Variants in ELOVL1 observed in about 807,000 individuals in gnomAD.
ELOVL1 encodes very long chain fatty acid elongase 1.
A neutral mutation model predicts 37.8 loss-of-function variants in ELOVL1; 10 were observed. The observed-to-expected ratio is 0.26, with a 90% CI of 0.16 to 0.45. The LOEUF is 0.45. ELOVL1 is among the 20% of genes least tolerant of loss of function. The pLI, the probability that ELOVL1 is intolerant of heterozygous loss-of-function variation, is 1.00. For missense variants in ELOVL1, 256 were observed against 352.7 expected (o/e 0.73, Z 2.20); for synonymous variants, 133 against 123.8 (o/e 1.07, Z -0.49).
chr1:43,364,280 A>T lies in ELOVL1; in HGVS notation c.618+44T>A, dbSNP rs772213579. The T allele has an allele frequency of 3.7e-6, 6 of 1,613,706 alleles. No homozygotes were observed. The highest frequency in any genetic ancestry group is 5.1e-6 in the Non-Finnish European group (6 of 1,179,862). ...GGATAAAGGCAGGATCCAGGCTAGG[A>T]ATGTGGGGGGATGGTTATAGGTAAG... On this transcript the variant is annotated intron_variant, in intron 7 of 7. Transcript: ENST00000372458. This position sits in a 1 kb window ranked among gnomAD's most constrained non-coding sequence, Gnocchi z 5.2.
Position 43,363,812 on chromosome 1 carries a change from A to G in ELOVL1, c.*104T>C, listed in dbSNP as rs1202077737. On this transcript the variant is annotated 3_prime_UTR_variant, in exon 8 of 8. Transcript: ENST00000372458. ...GCCAGTCCCCTGCTCAGTCCTGACC[A>G]CATAAGCCTTGGTCACAGGTGTAGG... 1 of 1,084,624 alleles carries G rather than the reference A, an allele frequency of 9.2e-7. No individual in the cohort carries two copies. Among genetic ancestry groups the G allele is most frequent in the Admixed American group, 1.8e-5 (1 of 54,958 alleles). 67.2% of individuals were successfully genotyped at this position (1,084,624 alleles called of 1,614,324 possible). A position where few individuals can be genotyped will look rare whatever the true frequency, so the allele number is the denominator to read the frequency against.
At position 43,363,754 on chromosome 1, in the gene ELOVL1, TG is replaced by T; in HGVS notation, c.*161del. The T allele has an allele frequency of 4.6e-6, 3 of 652,594 alleles. No individual in the cohort carries two copies. Among genetic ancestry groups the T allele is most frequent in the Non-Finnish European group, 7.9e-6 (3 of 381,672 alleles). The allele number at this position is 652,594 out of a possible 1,614,324, so 40.4% of individuals were successfully genotyped here. On this transcript the variant is annotated 3_prime_UTR_variant, in exon 8 of 8. Coordinates refer to ENST00000372458, the MANE Select transcript of ELOVL1 (RefSeq NM_022821.4). ...GGAAGTGGGTGAGGAACCAAAGCCG[TG>T]GTCCCTGTAGAGCAGCTGTGGGGAG...
intron 3 of ELOVL1, 54 bp from the exon 4 acceptor site, chr1:43,365,062 C>T: frequency 6.3e-7 from 1 of 1,593,512 alleles, no homozygotes; most frequent in Non-Finnish European, 8.5e-7. Flanking sequence ...AGCCATCCCT[C>T]CCCTTCGCTA....
chr1:43,365,423 G>A (rs751404987), intron 2 of ELOVL1, 47 bp from the exon 3 acceptor site: 5 of 1,609,650 alleles, frequency 3.1e-6, no homozygotes, highest in Admixed American at 3.4e-5. Flanking sequence ...AGGGTTCGAA[G>A]GGTCTTCATT....
intron 1 of ELOVL1, among the ~76,000 whole-genome samples, chr1:43,365,996 T>C (rs1647227632): frequency 6.6e-6 from 1 of 151,998 alleles, no homozygotes; most frequent in Admixed American, 6.5e-5. Flanking sequence ...CCGTCTCCCT[T>C]CCTCACCCGA....
Position 43,365,285 on chromosome 1 carries a change from C to T in ELOVL1, c.138G>A (p.Gly46=). 1.2e-6 allele frequency: 2 copies of T among 1,614,036 alleles called. No individual in the cohort carries two copies. The highest frequency in any genetic ancestry group is 1.1e-5 in the South Asian group (1 of 91,064). The change falls in exon 3 of 8, where the codon GGG becomes GGA. Residue 46 remains glycine (G), a synonymous_variant. Coordinates refer to ENST00000372458, the MANE Select transcript of ELOVL1 (RefSeq NM_022821.4). ...GCTTCCGATTAGCCATGATGCGAGG[C>T]CCAAGTGAGAGAACGAAGTACACGT... ...LTYVYFVLSL[G]PRIMANRKPF...
chr1:43,364,738 T>C lies in ELOVL1; in HGVS notation c.375A>G (p.Thr125=). 1 of 1,614,198 alleles carries C rather than the reference T, an allele frequency of 6.2e-7. No individual in the cohort carries two copies. Among genetic ancestry groups the C allele is most frequent in the Non-Finnish European group, 8.5e-7 (1 of 1,180,022 alleles). ...TCTCACATCTCATATAACTACTCAC[T>C]GTGTCCATCAGCTCAATGAACTTGG... ...LFSKFIELMD[T]VIFILRKKDG... The change falls in exon 5 of 8, where the codon ACA becomes ACG. Residue 125 remains threonine, a splice_region_variant and synonymous_variant. Coordinates refer to ENST00000372458, the MANE Select transcript of ELOVL1 (RefSeq NM_022821.4). The surrounding 1 kb of genome is among the most constrained non-coding windows in gnomAD (Gnocchi z 5.2).
intron 1 of ELOVL1, among the ~76,000 whole-genome samples, chr1:43,366,852 G>T (rs1647253898): frequency 6.6e-6 from 1 of 152,030 alleles, no homozygotes; most frequent in Non-Finnish European, 1.5e-5. Context: ...TCGGGGGAAG[G>T]CTCCCAGGGA....
Position 43,363,808 on chromosome 1 carries a change from G to T in ELOVL1, c.*108C>A. ...GAGGGCCAGTCCCCTGCTCAGTCCT[G>T]ACCACATAAGCCTTGGTCACAGGTG... On this transcript the variant is annotated 3_prime_UTR_variant, in exon 8 of 8. Coordinates refer to ENST00000372458, the MANE Select transcript of ELOVL1 (RefSeq NM_022821.4). 9.5e-7 allele frequency: 1 copy of T among 1,057,670 alleles called. No individual in the cohort carries two copies. Among genetic ancestry groups the T allele is most frequent in the Non-Finnish European group, 1.4e-6 (1 of 700,342 alleles). 65.5% of individuals were successfully genotyped at this position (1,057,670 alleles called of 1,614,324 possible). A position where few individuals can be genotyped will look rare whatever the true frequency, so the allele number is the denominator to read the frequency against.
At position 43,365,298 on chromosome 1, in the gene ELOVL1, A is replaced by G; in HGVS notation, c.125T>C (p.Val42Ala). 1 of 1,614,070 alleles carries G rather than the reference A, an allele frequency of 6.2e-7. No homozygotes were observed. The highest frequency in any genetic ancestry group is 8.5e-7 in the Non-Finnish European group (1 of 1,179,996). The change falls in exon 3 of 8, where the codon GTT becomes GCT. Residue 42 changes from valine to alanine, a missense_variant. Transcript: ENST00000372458. ...TSILLTYVYF[V>A]LSLGPRIMAN... ...CATGATGCGAGGCCCAAGTGAGAGA[A>G]CGAAGTACACGTAGGTCAGGAGAAT...
In ELOVL1 at chr1:43,365,306, C is replaced by T. The variant is rs1267961726; in HGVS notation, c.117G>A (p.Val39=). The stretch of plus-strand genomic sequence containing the variant: ...GAGGCCCAAGTGAGAGAACGAAGTA[C>T]ACGTAGGTCAGGAGAATGGAGGTCA... The part of the protein sequence containing the change: ...LLMTSILLTY[V]YFVLSLGPRI... The change falls in exon 3 of 8, where the codon GTG becomes GTA. Residue 39 remains valine, a synonymous_variant. Coordinates refer to ENST00000372458, the MANE Select transcript of ELOVL1 (RefSeq NM_022821.4). The T allele has an allele frequency of 1.9e-6, 3 of 1,614,018 alleles. No homozygotes were observed. Among genetic ancestry groups the T allele is most frequent in the Non-Finnish European group, 2.5e-6 (3 of 1,179,980 alleles).
Position 43,364,198 on chromosome 1 carries a change from G to T in ELOVL1, c.619-61C>A, listed in dbSNP as rs1421313413. ...TGAGAGGACTAGAGGGGAAGAGGGG[G>T]TAGAGAAAGAGACAAACGTTGAGTA... On this transcript the variant is annotated intron_variant, in intron 7 of 7. Transcript: ENST00000372458. The surrounding 1 kb of genome is among the most constrained non-coding windows in gnomAD (Gnocchi z 5.2). 1 of 1,609,510 alleles carries T rather than the reference G, an allele frequency of 6.2e-7. No homozygotes were observed. The highest frequency in any genetic ancestry group is 8.5e-7 in the Non-Finnish European group (1 of 1,176,466).
In ELOVL1 at chr1:43,363,670, T is replaced by TA; in HGVS notation, c.*245dup. ...GGGGGAAATAACTGTACAGCCCTTTTAGCCCCCAGCTCTGGAGTGGCAGAC... is the reference window on the plus strand; with the variant it reads ...GGGGGAAATAACTGTACAGCCCTTTTAAGCCCCCAGCTCTGGAGTGGCAGAC... On this transcript the variant is annotated 3_prime_UTR_variant, in exon 8 of 8. Coordinates refer to ENST00000372458, the MANE Select transcript of ELOVL1 (RefSeq NM_022821.4). The TA allele has an allele frequency of 1.8e-6, 1 of 544,764 alleles. No homozygotes were observed. The highest frequency in any genetic ancestry group is 2.1e-5 in the South Asian group (1 of 47,192). The allele number at this position is 544,764 out of a possible 1,614,324, so 33.7% of individuals were successfully genotyped here.
Position 43,364,606 on chromosome 1 carries a change from G to T in ELOVL1, c.417C>A (p.Phe139Leu). 6.2e-7 allele frequency: 1 copy of T among 1,614,116 alleles called. No individual in the cohort carries two copies. Among genetic ancestry groups the T allele is most frequent in the Non-Finnish European group, 8.5e-7 (1 of 1,180,022 alleles). ...ILRKKDGQVT[F>L]LHVFHHSVLP... The stretch of plus-strand genomic sequence containing the variant: ...GCACAGAGTGATGGAAGACATGTAG[G>T]AAGGTCACCTGCCCGTCTTTCTTTC... Residue 139 changes from phenylalanine (F) to leucine (L), a missense_variant, in exon 6 of 8, where the codon TTC (phenylalanine) becomes TTA (leucine). Physicochemically the swap from Phe to Leu is conservative, Grantham distance 22. Coordinates refer to ENST00000372458, the MANE Select transcript of ELOVL1 (RefSeq NM_022821.4). The surrounding 1 kb of genome is among the most constrained non-coding windows in gnomAD (Gnocchi z 5.2).
chr1:43,363,589 G>A lies in ELOVL1; in HGVS notation c.*327C>T, dbSNP rs952610246. The A allele has an allele frequency of 1.2e-5, 5 of 401,976 alleles. No individual in the cohort carries two copies. Among genetic ancestry groups the A allele is most frequent in the South Asian group, 8.1e-5 (3 of 36,872 alleles). 24.9% of individuals were successfully genotyped at this position (401,976 alleles called of 1,614,324 possible). A position where few individuals can be genotyped will look rare whatever the true frequency, so the allele number is the denominator to read the frequency against. ...TCTTCTGTGTGAGGAAAAAGGCCAC[G>A]AGACCCTTTGTGGGGCCAGCCCTGA... On this transcript the variant is annotated 3_prime_UTR_variant, in exon 8 of 8. Transcript: ENST00000372458.
rs568444085 is a variant in ELOVL1, at chr1:43,364,197, G to A, written c.619-60C>T. On this transcript the variant is annotated intron_variant, in intron 7 of 7. Transcript: ENST00000372458. The surrounding 1 kb of genome is among the most constrained non-coding windows in gnomAD (Gnocchi z 5.2). ...GTGAGAGGACTAGAGGGGAAGAGGG[G>A]GTAGAGAAAGAGACAAACGTTGAGT... 2 of 1,609,250 alleles carry A rather than the reference G, an allele frequency of 1.2e-6. No individual in the cohort carries two copies. The highest frequency in any genetic ancestry group is 2.2e-5 in the East Asian group (1 of 44,826).
In ELOVL1 at chr1:43,364,102, C is replaced by A; in HGVS notation, c.654G>T (p.Gln218His). 1 of 1,614,048 alleles carries A rather than the reference C, an allele frequency of 6.2e-7. No homozygotes were observed. The highest frequency in any genetic ancestry group is 8.5e-7 in the Non-Finnish European group (1 of 1,180,002). The change falls in exon 8 of 8, where the codon CAG (glutamine) becomes CAT (histidine). Residue 218 changes from glutamine (Q) to histidine (H), a missense_variant. Gln to His is a conservative substitution (Grantham distance 24, BLOSUM62 0). Transcript: ENST00000372458. The surrounding 1 kb of genome is among the most constrained non-coding windows in gnomAD (Gnocchi z 5.2). ...AGTTACAGCTGGACATAAAGTAGTA[C>A]TGGGAGATGTGCAGTGAGACCAGGA... The part of the protein sequence containing the change: ...QFVLVSLHIS[Q>H]YYFMSSCNYQ...
At position 43,364,493 on chromosome 1, in the gene ELOVL1, G is replaced by C; in HGVS notation, c.482-33C>G. ...TGGACAATAAGACAGGGTCAGCAGA[G>C]TCCAGCCTCTGGTGCCCACCCTTTC... On this transcript the variant is annotated intron_variant, in intron 6 of 7. Coordinates refer to ENST00000372458, the MANE Select transcript of ELOVL1 (RefSeq NM_022821.4). This position sits in a 1 kb window ranked among gnomAD's most constrained non-coding sequence, Gnocchi z 5.2. 1.9e-6 allele frequency: 3 copies of C among 1,614,078 alleles called. No individual in the cohort carries two copies. Among genetic ancestry groups the C allele is most frequent in the South Asian group, 2.2e-5 (2 of 91,078 alleles).
chr1:43,365,067 T>A, intron 3 of ELOVL1, 59 bp from the exon 4 acceptor site: 1 of 1,591,592 alleles, frequency 6.3e-7, no homozygotes. Flanking sequence ...TCCCTCCCCT[T>A]CGCTAGCTGA....
Sources: allele counts gnomAD v4.1 joint callset (sites outside exome capture counted in the v4.1 genomes callset), GRCh38; gene constraint gnomAD v4.1.1; non-coding constraint Gnocchi (gnomAD v3.1); transcripts MANE v1.5; gene names NCBI Gene and HGNC (gene_info 2026-07-23, HGNC 2026-07-21).